Variants in AP2B1 observed in about 807,000 individuals in gnomAD.
AP2B1 encodes the protein adaptor related protein complex 2 subunit beta 1.
In AP2B1, 23 loss-of-function variants were observed where a neutral mutation model predicts 102.0. The ratio of observed to expected loss-of-function variants is 0.23; its 90% confidence interval spans 0.16 to 0.32. AP2B1 has a LOEUF of 0.32. Among genes scored for constraint, AP2B1 ranks in the 10% least tolerant of loss-of-function variants. AP2B1 has a pLI of 1.00. For synonymous variants in AP2B1, 381 were observed against 421.2 expected (o/e 0.90, Z 1.17); for missense variants, 541 against 1,157.4 (o/e 0.47, Z 7.73).
At chr17:35,689,978 G>A (rs1197226528) in intron 18 of AP2B1, among the ~76,000 whole-genome samples, 1 of 152,126 alleles carries the variant, frequency 6.6e-6, no homozygotes, top group African/African-American at 2.4e-5. Context: ...TCTGCAAGTT[G>A]ATAGTTTTCC....
chr17:35,653,782 T>C (rs989970974), intron 13 of AP2B1, among the ~76,000 whole-genome samples: 3 of 152,048 alleles, frequency 2.0e-5, no homozygotes, highest in African/African-American at 7.2e-5. Flanking sequence ...GGCTGGAATA[T>C]GAACAGGTTC....
intron 18 of AP2B1, among the ~76,000 whole-genome samples, chr17:35,705,713 A>G (rs2076327640): frequency 1.3e-5 from 2 of 151,834 alleles, no homozygotes; most frequent in African/African-American, 4.8e-5. Flanking sequence ...GTAGAGATGG[A>G]ATTTTGCCTT....
intron 12 of AP2B1, among the ~76,000 whole-genome samples, chr17:35,649,648 T>A (rs905913629): frequency 6.6e-6 from 1 of 152,264 alleles, no homozygotes; most frequent in African/African-American, 2.4e-5. Flanking sequence ...TTTTCTATTC[T>A]TTATTTCTGT....
At chr17:35,706,816 TA>T (rs766019563) in intron 18 of AP2B1, among the ~76,000 whole-genome samples, 2 of 151,704 alleles carry the variant, frequency 1.3e-5, no homozygotes, top group Non-Finnish European at 2.9e-5. Flanking sequence ...AATATATATA[TA>T]TTTTTTTGTA....
At chr17:35,669,844 T>G (rs2075549140) in intron 14 of AP2B1, among the ~76,000 whole-genome samples, 1 of 152,198 alleles carries the variant, frequency 6.6e-6, no homozygotes, top group Admixed American at 6.5e-5. Flanking sequence ...GACAAGGCAT[T>G]TGATGATTCA....
chr17:35,704,915 C>G (rs587639393), intron 18 of AP2B1, among the ~76,000 whole-genome samples: 1 of 152,156 alleles, frequency 6.6e-6, no homozygotes, highest in African/African-American at 2.4e-5. Flanking sequence ...CCTGTAATCC[C>G]AGCTACTCAG....
At chr17:35,679,380 G>C (rs896434580) in intron 17 of AP2B1, among the ~76,000 whole-genome samples, 2 of 151,714 alleles carry the variant, frequency 1.3e-5, no homozygotes, top group African/African-American at 2.4e-5. Context: ...TGGTAGAAAG[G>C]GACTTGCTAC....
Position 35,641,343 on chromosome 17 carries a change from C to T in AP2B1, c.1438-534C>T, listed in dbSNP as rs551503335. On this transcript the variant is annotated intron_variant, in intron 11 of 21. Transcript: ENST00000610402. ...ATCCCAGCACTTTGGAAGGCTGATG[C>T]GGGAGAATCGCTTCAAGCCAGGGCT... 9.2e-5 allele frequency among the ~76,000 whole-genome samples: 14 copies of T among 152,244 alleles called. No individual in the cohort carries two copies. In the East Asian group the frequency reaches 2.3e-3, roughly 25 times the overall value.
intron 12 of AP2B1, among the ~76,000 whole-genome samples, chr17:35,642,256 G>C (rs184950448): frequency 6.6e-6 from 1 of 152,090 alleles, no homozygotes; most frequent in Non-Finnish European, 1.5e-5. Context: ...TGAAAATGAC[G>C]TGATCTGATA....
chr17:35,696,518 T>C (rs2076144849), intron 18 of AP2B1, among the ~76,000 whole-genome samples: 1 of 150,194 alleles, frequency 6.7e-6, no homozygotes, highest in Non-Finnish European at 1.5e-5. Context: ...GCCTCCCGAG[T>C]AGCTGATTAC....
intron 5 of AP2B1, among the ~76,000 whole-genome samples, chr17:35,622,203 G>A (rs16971227): frequency 0.22 from 33,924 of 152,024 alleles, 3,992 homozygotes; most frequent in East Asian, 0.34. Context: ...AAGTTTTCCT[G>A]ATTTGTCTTA....
At chr17:35,659,106 G>A (rs561172268) in intron 14 of AP2B1, among the ~76,000 whole-genome samples, 4 of 152,268 alleles carry the variant, frequency 2.6e-5, no homozygotes, top group South Asian at 4.1e-4. Context: ...TTATATTGCT[G>A]TATAGCCTCC....
chr17:35,671,098 T>G (rs1425986313), intron 15 of AP2B1, among the ~76,000 whole-genome samples, 200 bp downstream of exon 15: 1 of 152,144 alleles, frequency 6.6e-6, no homozygotes, highest in African/African-American at 2.4e-5. Context: ...TAGAGACATC[T>G]TTAAGGTTTA....
chr17:35,682,641 G>A (rs1451495884), intron 17 of AP2B1, 54 bp from the exon 18 acceptor site: 2 of 1,577,380 alleles, frequency 1.3e-6, no homozygotes, highest in Non-Finnish European at 1.7e-6. Flanking sequence ...ACCATGCCCA[G>A]CCTAAATTCT....
rs919844394 is a variant in AP2B1, at chr17:35,701,108, G to A, written c.2455-8116G>A. Reference sequence around the variant, plus strand: ...TCTCACTGCTTGCTTTAGTGTGTGTGTATTGTGGCTTTTATACTTTTTTGA... The same window carrying A: ...TCTCACTGCTTGCTTTAGTGTGTGTATATTGTGGCTTTTATACTTTTTTGA... On this transcript the variant is annotated intron_variant, in intron 18 of 21. Transcript: ENST00000610402. 1.1e-4 allele frequency among the ~76,000 whole-genome samples: 17 copies of A among 152,270 alleles called. No homozygotes were observed. In the South Asian group the frequency reaches 1.5e-3, roughly 13 times the overall value.
intron 18 of AP2B1, among the ~76,000 whole-genome samples, chr17:35,707,359 G>A (rs1032998456): frequency 3.3e-5 from 5 of 151,840 alleles, no homozygotes; most frequent in African/African-American, 1.2e-4. Context: ...CACCATGTTG[G>A]CCAGGATGGT....
chr17:35,661,327 G>A (rs963298711), intron 14 of AP2B1, among the ~76,000 whole-genome samples: 7 of 152,118 alleles, frequency 4.6e-5, no homozygotes, highest in Admixed American at 4.6e-4. Flanking sequence ...TTTTTAAAAA[G>A]TTACCTGGGT....
chr17:35,649,801 G>A (rs903781072), intron 12 of AP2B1, among the ~76,000 whole-genome samples: 1 of 152,068 alleles, frequency 6.6e-6, no homozygotes, highest in African/African-American at 2.4e-5. Flanking sequence ...TCACTCTGTT[G>A]CCCAGTCTGG....
Position 35,639,735 on chromosome 17 carries a change from A to T in AP2B1, c.1412A>T (p.Glu471Val), listed in dbSNP as rs2074712767. 6.2e-7 allele frequency: 1 copy of T among 1,613,894 alleles called. No homozygotes were observed. Among genetic ancestry groups the T allele is most frequent in the South Asian group, 1.1e-5 (1 of 91,064 alleles). ...NADELLESFL[E>V]GFHDESTQVQ... ...GATGAGTTACTAGAAAGCTTCCTGG[A>T]GGGTTTTCACGATGAAAGCACCCAG... Residue 471 changes from glutamate (E) to valine (V), a missense_variant, in exon 11 of 22, where the codon GAG becomes GTG. Physicochemically the swap from Glu to Val is moderately radical, Grantham distance 121 (BLOSUM62 -2). Coordinates refer to ENST00000610402, the MANE Select transcript of AP2B1 (RefSeq NM_001030006.2).
Sources: gnomAD v4.1 joint callset for allele counts (sites outside exome capture counted in the v4.1 genomes callset) on GRCh38, gnomAD v4.1.1 for gene constraint, MANE v1.5 for transcripts, NCBI Gene and HGNC (gene_info 2026-07-23, HGNC 2026-07-21) for gene names.